FHL2: variants seen among roughly 807,000 people sequenced by gnomAD.
FHL2 encodes four and a half LIM domains 2.
A neutral mutation model predicts 32.7 loss-of-function variants in FHL2; 20 were observed. That is an observed-to-expected ratio of 0.61 (90% CI 0.43 to 0.89). The LOEUF (loss-of-function observed/expected upper bound fraction) is 0.89. Ranked by LOEUF, FHL2 falls within the 40% of genes least tolerant of loss-of-function variation. FHL2 has a pLI of 0.00. For missense variants in FHL2, 311 were observed against 358.6 expected, an observed-to-expected ratio of 0.87 and a Z score of 1.07; for synonymous variants, 123 against 128.1, an observed-to-expected ratio of 0.96 and a Z score of 0.27.
At chr2:105,371,803 GT>G (rs1377728558) in intron 4 of FHL2, among the ~76,000 whole-genome samples, 5 of 152,210 alleles carry the variant, frequency 3.3e-5, no homozygotes, top group African/African-American at 1.2e-4. Context: ...GGTTTAATTT[GT>G]TTTTCAATTA....
intron 3 of FHL2, among the ~76,000 whole-genome samples, chr2:105,383,984 G>C (rs996802682): frequency 1.3e-5 from 2 of 152,142 alleles, no homozygotes; most frequent in African/African-American, 4.8e-5. Flanking sequence ...TGATGATTTT[G>C]GCTCCATTTG....
At chr2:105,407,832 C>T (rs1030540175) in intron 1 of FHL2, among the ~76,000 whole-genome samples, 2 of 152,172 alleles carry the variant, frequency 1.3e-5, no homozygotes, top group African/African-American at 4.8e-5. Flanking sequence ...AGGCCTTAAT[C>T]GCAGAGAAGG....
chr2:105,397,550 A>G (rs1484897608), intron 1 of FHL2, among the ~76,000 whole-genome samples: 1 of 151,982 alleles, frequency 6.6e-6, no homozygotes, highest in East Asian at 1.9e-4. Flanking sequence ...GCCTGTGGCT[A>G]TTTGTGAGAC....
At chr2:105,383,227 G>A (rs988987013) in intron 3 of FHL2, among the ~76,000 whole-genome samples, 3 of 152,190 alleles carry the variant, frequency 2.0e-5, no homozygotes, top group Non-Finnish European at 2.9e-5. Context: ...AGCCCAGAAC[G>A]TAGGCAGATC....
intron 2 of FHL2, 137 bp downstream of exon 2, chr2:105,396,510 C>T: frequency 1.4e-6 from 1 of 723,076 alleles, no homozygotes; most frequent in South Asian, 1.8e-5. Context: ...AAACACCCTC[C>T]CAGACACACC....
At chr2:105,374,850 T>A (rs1322401785) in intron 3 of FHL2, among the ~76,000 whole-genome samples, 1 of 152,192 alleles carries the variant, frequency 6.6e-6, no homozygotes, top group Non-Finnish European at 1.5e-5. Flanking sequence ...CAAATCATCA[T>A]CCATTTATAC....
chr2:105,402,019 GTATATATACACGAA>G (rs1270605426), upstream of FHL2, among the ~76,000 whole-genome samples: 5 of 148,240 alleles, frequency 3.4e-5, no homozygotes, highest in Non-Finnish European at 5.9e-5. Flanking sequence ...ACATATATAC[GTATATATACACGAA>G]TATATATATA....
chr2:105,406,483 A>G (rs921235565), intron 1 of FHL2, among the ~76,000 whole-genome samples: 4 of 131,524 alleles, frequency 3.0e-5, no homozygotes, highest in Non-Finnish European at 6.5e-5. Flanking sequence ...CTTCCTTTTG[A>G]TAACTTGAAA....
At chr2:105,405,321 C>T (rs1048409468) in intron 1 of FHL2, among the ~76,000 whole-genome samples, 10 of 152,262 alleles carry the variant, frequency 6.6e-5, no homozygotes, top group African/African-American at 2.2e-4. Flanking sequence ...TTTGAGTGAA[C>T]GGTTTGCTTC....
At chr2:105,379,062 T>C (rs1305385782) in intron 3 of FHL2, among the ~76,000 whole-genome samples, 1 of 152,154 alleles carries the variant, frequency 6.6e-6, no homozygotes, top group Non-Finnish European at 1.5e-5. Context: ...TTAAATTGCT[T>C]GGTTATTTCA....
intron 1 of FHL2, among the ~76,000 whole-genome samples, chr2:105,426,530 C>A (rs1398762011): frequency 6.6e-6 from 1 of 152,198 alleles, no homozygotes; most frequent in Non-Finnish European, 1.5e-5. Flanking sequence ...CAGGGTCACC[C>A]TCCTCCCTTC....
intron 1 of FHL2, among the ~76,000 whole-genome samples, chr2:105,410,117 G>A (rs1573390937): frequency 1.3e-5 from 2 of 152,212 alleles, no homozygotes; most frequent in Admixed American, 1.3e-4. Flanking sequence ...CGGGACACAG[G>A]AGAAGTTTGC....
chr2:105,428,401 A>G (rs1175335451), intron 1 of FHL2, among the ~76,000 whole-genome samples: 6 of 152,174 alleles, frequency 3.9e-5, no homozygotes, highest in Non-Finnish European at 8.8e-5. Context: ...CTTCTTTTGT[A>G]CCCAAATAAT....
intron 1 of FHL2, among the ~76,000 whole-genome samples, chr2:105,431,744 C>T (rs1031659523): frequency 9.9e-5 from 15 of 152,210 alleles, no homozygotes; most frequent in African/African-American, 2.9e-4. Context: ...CAAATATGAT[C>T]GCAAATTTTA....
chr2:105,425,796 T>G (rs1019350448), intron 1 of FHL2, among the ~76,000 whole-genome samples: 1 of 151,682 alleles, frequency 6.6e-6, no homozygotes, highest in African/African-American at 2.4e-5. Flanking sequence ...TGCTCACATG[T>G]TTTTTGCTGA....
At chr2:105,389,957 G>C (rs540428481) in intron 2 of FHL2, 1 of 152,388 alleles carries the variant, frequency 6.6e-6, no homozygotes, top group Non-Finnish European at 1.5e-5. Flanking sequence ...GGCCAGGTGC[G>C]GTGGCTCACG....
chr2:105,369,580 T>C (rs1240555780), intron 4 of FHL2, among the ~76,000 whole-genome samples: 1 of 152,220 alleles, frequency 6.6e-6, no homozygotes, highest in African/African-American at 2.4e-5. Flanking sequence ...GTACAATCTA[T>C]GGAATTCAAT....
intron 2 of FHL2, among the ~76,000 whole-genome samples, chr2:105,388,274 A>G (rs529295467): frequency 1.3e-5 from 2 of 152,224 alleles, no homozygotes; most frequent in East Asian, 3.9e-4. Flanking sequence ...AGTTTAAAAT[A>G]AGGGGTCTCC....
In FHL2 at chr2:105,364,504, C is replaced by T. The variant is rs531670853; in HGVS notation, c.502-1033G>A. On this transcript the variant is annotated intron_variant, in intron 5 of 6. Transcript: ENST00000530340. ...CATCTGTGAGGTGAAGCTGCAAAGC[C>T]ACATGAGGTGGAACTGGCCATCAGT... Among the ~76,000 whole-genome samples, 4 of 152,322 alleles carry T rather than the reference C, an allele frequency of 2.6e-5. No homozygotes were observed. In the South Asian group the frequency reaches 8.3e-4, roughly 32 times the overall value.
Sources: gnomAD v4.1 joint callset for allele counts (sites outside exome capture counted in the v4.1 genomes callset) on GRCh38, gnomAD v4.1.1 for gene constraint, MANE v1.5 for transcripts, NCBI Gene and HGNC (gene_info 2026-07-23, HGNC 2026-07-21) for gene names.